The following PRKG1 variants were observed in gnomAD, a reference collection of about 807,000 sequenced individuals.
PRKG1 encodes the protein protein kinase cGMP-dependent 1.
PRKG1 carries 35 observed loss-of-function variants against 88.1 expected under a neutral mutation model. The observed-to-expected ratio is 0.40, with a 90% CI of 0.30 to 0.53. The LOEUF (loss-of-function observed/expected upper bound fraction) is 0.53. Among genes scored for constraint, PRKG1 ranks in the 20% least tolerant of loss-of-function variants. The probability of loss-of-function intolerance (pLI) is 0.59; values close to 1 mark genes in which losing one functional copy is unlikely to be tolerated. For synonymous variants in PRKG1, 303 were observed against 292.5 expected (o/e 1.04, Z -0.37); for missense variants, 540 against 839.8 (o/e 0.64, Z 4.41).
intron 1 of PRKG1, among the ~76,000 whole-genome samples, chr10:51,015,595 G>A (rs1473750035): frequency 6.6e-6 from 1 of 152,322 alleles, no homozygotes; most frequent in East Asian, 1.9e-4. Flanking sequence ...TCATAGAAAT[G>A]CATAGAGGAG....
intron 9 of PRKG1, among the ~76,000 whole-genome samples, chr10:52,203,639 T>C (rs1839733914): frequency 6.6e-6 from 1 of 152,236 alleles, no homozygotes; most frequent in Admixed American, 6.5e-5. Flanking sequence ...TATTATTGTG[T>C]GGTTACCTGT....
intron 1 of PRKG1, among the ~76,000 whole-genome samples, chr10:51,023,490 A>G (rs566035579): frequency 5.9e-5 from 9 of 152,232 alleles, no homozygotes; most frequent in Admixed American, 1.3e-4. Flanking sequence ...ACAGGCTTAT[A>G]GAAACAGAGA....
Position 52,036,459 on chromosome 10 carries a change from G to T in PRKG1, c.763-18025G>T, listed in dbSNP as rs561401141. On this transcript the variant is annotated intron_variant, in intron 5 of 17. Transcript: ENST00000373980. The stretch of plus-strand genomic sequence containing the variant: ...GGCTTTAAAAGGCCATGCTGTAGCA[G>T]GCAAGTGATAACAGGCTTTAATCTT... Among the ~76,000 whole-genome samples the T allele has an allele frequency of 1.7e-3, 249 of 150,894 alleles. 1 individual carries two copies. Among genetic ancestry groups the T allele is most frequent in the African/African-American group, 5.7e-3 (233 of 40,972 alleles).
chr10:51,041,442 C>G (rs1202957673), intron 1 of PRKG1, among the ~76,000 whole-genome samples: 1 of 152,196 alleles, frequency 6.6e-6, no homozygotes, highest in East Asian at 1.9e-4. Flanking sequence ...ACACCTGAAG[C>G]TGGCATAGGT....
intron 10 of PRKG1, among the ~76,000 whole-genome samples, chr10:52,255,362 A>G (rs1421909115): frequency 6.6e-6 from 1 of 152,078 alleles, no homozygotes; most frequent in Non-Finnish European, 1.5e-5. Flanking sequence ...TTCAGAATAG[A>G]TTTGTATGAC....
chr10:52,191,340 T>TC (rs1839359306), intron 9 of PRKG1, among the ~76,000 whole-genome samples: 1 of 151,660 alleles, frequency 6.6e-6, no homozygotes, highest in Non-Finnish European at 1.5e-5. Flanking sequence ...TTTTTTTTTT[T>TC]TTTTTCTTAC....
intron 2 of PRKG1, among the ~76,000 whole-genome samples, chr10:51,318,598 G>T (rs575046976): frequency 1.6e-4 from 25 of 152,284 alleles, no homozygotes; most frequent in African/African-American, 6.0e-4. Flanking sequence ...ACACTGTCAG[G>T]CATCTGAATG....
chr10:52,283,974 A>G (rs567310172), intron 14 of PRKG1, among the ~76,000 whole-genome samples: 3 of 152,094 alleles, frequency 2.0e-5, no homozygotes, highest in Non-Finnish European at 2.9e-5. Context: ...ATGTTTAGAC[A>G]TTTCTCTACA....
chr10:52,110,713 G>A (rs531688636), intron 7 of PRKG1, among the ~76,000 whole-genome samples: 4 of 152,224 alleles, frequency 2.6e-5, no homozygotes, highest in African/African-American at 7.2e-5. Flanking sequence ...CATAGTATCC[G>A]TAAAGCACAA....
chr10:51,777,578 G>T (rs1474974423), intron 3 of PRKG1, among the ~76,000 whole-genome samples: 1 of 152,058 alleles, frequency 6.6e-6, no homozygotes, highest in Non-Finnish European at 1.5e-5. Context: ...CTGCCCCACT[G>T]TCGTACATTT....
chr10:52,151,276 C>T (rs1177450781), intron 8 of PRKG1, among the ~76,000 whole-genome samples: 1 of 151,966 alleles, frequency 6.6e-6, no homozygotes, highest in Non-Finnish European at 1.5e-5. Flanking sequence ...CGGTTTTTTC[C>T]TTCTGAAAAT....
chr10:51,479,048 A>G (rs72795116), intron 3 of PRKG1, among the ~76,000 whole-genome samples: 18,305 of 152,016 alleles, frequency 0.12, 1,280 homozygotes, highest in Admixed American at 0.22. Flanking sequence ...AGAGAAAAAG[A>G]GAAAATACTA....
chr10:52,150,212 A>G (rs1837875304), intron 8 of PRKG1, among the ~76,000 whole-genome samples: 1 of 141,014 alleles, frequency 7.1e-6, no homozygotes, highest in Non-Finnish European at 1.5e-5. Context: ...GCAGGATTTG[A>G]GAGAGAGAGA....
At chr10:51,412,179 G>A (rs10733832) in intron 2 of PRKG1, among the ~76,000 whole-genome samples, 61,554 of 116,306 alleles carry the variant, frequency 0.53, 15,682 homozygotes, top group Non-Finnish European at 0.6. Flanking sequence ...AGGAGAGAGA[G>A]TGAGAGAGAG....
intron 1 of PRKG1, among the ~76,000 whole-genome samples, chr10:51,042,133 C>G (rs1226067396): frequency 1.3e-5 from 2 of 152,188 alleles, no homozygotes; most frequent in Non-Finnish European, 2.9e-5. Flanking sequence ...AGGTGTTCTT[C>G]TCTTCCTCTT....
chr10:51,314,321 C>T (rs1368113250), intron 2 of PRKG1, among the ~76,000 whole-genome samples: 1 of 151,978 alleles, frequency 6.6e-6, no homozygotes, highest in Non-Finnish European at 1.5e-5. Context: ...GTCTGTTTTT[C>T]CTCTAGCTGA....
chr10:51,536,743 G>A (rs1209787473), intron 3 of PRKG1, among the ~76,000 whole-genome samples: 2 of 151,540 alleles, frequency 1.3e-5, no homozygotes, highest in Non-Finnish European at 2.9e-5. Flanking sequence ...CTGGTGTGCT[G>A]CACCCATTAA....
chr10:51,508,629 A>G (rs1383399701), intron 3 of PRKG1, among the ~76,000 whole-genome samples: 1 of 152,130 alleles, frequency 6.6e-6, no homozygotes, highest in Non-Finnish European at 1.5e-5. Flanking sequence ...AACAGACATA[A>G]ATTTTTCTCA....
chr10:51,806,609 G>A (rs1839314392), intron 4 of PRKG1, among the ~76,000 whole-genome samples: 1 of 152,180 alleles, frequency 6.6e-6, no homozygotes, highest in African/African-American at 2.4e-5. Context: ...ACTGGGCCGG[G>A]AGTCCAGAGA....
Sources: allele counts gnomAD v4.1 joint callset (sites outside exome capture counted in the v4.1 genomes callset), GRCh38; gene constraint gnomAD v4.1.1; transcripts MANE v1.5; gene names NCBI Gene and HGNC (gene_info 2026-07-23, HGNC 2026-07-21).